Variants in FCN1 observed in about 807,000 individuals in gnomAD.
FCN1 encodes ficolin-1.
In FCN1, 42 loss-of-function variants were observed where a neutral mutation model predicts 35.6. The ratio of observed to expected loss-of-function variants is 1.18; its 90% CI spans 0.92 to 1.53. FCN1 has a LOEUF of 1.53. Ranked by LOEUF, FCN1 falls within the 40% of genes most tolerant of loss-of-function variation. FCN1 has a pLI of 0.00. For missense variants in FCN1, 439 were observed against 428.4 expected (o/e 1.02, Z -0.22); for synonymous variants, 179 against 169.8 (o/e 1.05, Z -0.42).
chr9:134,905,923 C>CTCCTTG lies in FCN1; in HGVS notation c.*3874_*3875insCAAGGA, dbSNP rs1564215645. ...TCTTCTTCTTCTTCTTCTTCTTCTT[C>CTCCTTG]TCCCTCTCCCTCTCCCTCTCCCTCT... On this transcript the variant is annotated 3_prime_UTR_variant, in exon 9 of 9. Coordinates refer to ENST00000371806, the MANE Select transcript of FCN1 (RefSeq NM_002003.5). 48 of 114,776 alleles carry CTCCTTG rather than the reference C, an allele frequency of 4.2e-4. No individual in the cohort carries two copies. The highest frequency in any genetic ancestry group is 4.2e-3 in the Middle Eastern group (1 of 240). The allele number at this position is 114,776 out of a possible 1,614,324, so 7.1% of individuals were successfully genotyped here.
In FCN1 at chr9:134,911,127, A is replaced by G; in HGVS notation, c.733+6T>C. 1 of 1,613,692 alleles carries G rather than the reference A, an allele frequency of 6.2e-7. No homozygotes were observed. The highest frequency in any genetic ancestry group is 8.5e-7 in the Non-Finnish European group (1 of 1,179,832). On this transcript the variant is annotated splice_donor_region_variant and intron_variant, in intron 8 of 8. Transcript: ENST00000371806. The stretch of plus-strand genomic sequence containing the variant: ...CTCAGGCCACCAGCCCCAAGCAGAC[A>G]CTCACCCGCACTGCCCCCGACAAAG...
rs2118933177 is a variant in FCN1, at chr9:134,909,791, G to C, written c.*7C>G. On this transcript the variant is annotated 3_prime_UTR_variant, in exon 9 of 9. Coordinates refer to ENST00000371806, the MANE Select transcript of FCN1 (RefSeq NM_002003.5). ...TAGCAGGTGCATGTGGAGGGGTCCT[G>C]GCCCGTCTAGGCGGGCCGCACCTTC... 2 of 1,612,538 alleles carry C rather than the reference G, an allele frequency of 1.2e-6. No homozygotes were observed. Among genetic ancestry groups the C allele is most frequent in the South Asian group, 1.1e-5 (1 of 91,024 alleles).
chr9:134,917,899 C>G lies in FCN1; in HGVS notation c.-28G>C. 6.6e-7 allele frequency: 1 copy of G among 1,518,552 alleles called. No individual in the cohort carries two copies. Among genetic ancestry groups the G allele is most frequent in the Non-Finnish European group, 9.1e-7 (1 of 1,093,420 alleles). The allele number at this position is 1,518,552 out of a possible 1,614,324, so 94.1% of individuals were successfully genotyped here. Reference sequence around the variant, plus strand: ...TCTCTGGCCTTTGACTCTGAAGAGTCCCCCAGCTCTAACAGGGCAGAGGAA... The same window carrying G: ...TCTCTGGCCTTTGACTCTGAAGAGTGCCCCAGCTCTAACAGGGCAGAGGAA... On this transcript the variant is annotated 5_prime_UTR_variant, in exon 1 of 9. Transcript: ENST00000371806.
Position 134,903,818 on chromosome 9 carries a change from G to A in FCN1, c.*5980C>T, listed in dbSNP as rs541762272. On this transcript the variant is annotated 3_prime_UTR_variant, in exon 9 of 9. Transcript: ENST00000371806. Reference sequence around the variant, plus strand: ...GGTGAAAAAAATAGGTGAAAAAGTGGAGAAGTGGAGCCAAGCATTGGAGTC... The same window carrying A: ...GGTGAAAAAAATAGGTGAAAAAGTGAAGAAGTGGAGCCAAGCATTGGAGTC... 1.8e-4 allele frequency among the ~76,000 whole-genome samples: 28 copies of A among 152,066 alleles called. No homozygotes were observed. Among genetic ancestry groups the A allele is most frequent in the Middle Eastern group, 3.4e-3 (1 of 294 alleles).
chr9:134,913,150 A>G lies in FCN1; in HGVS notation c.341-7T>C. On this transcript the variant is annotated splice_polypyrimidine_tract_variant and splice_region_variant and intron_variant, in intron 5 of 8. Transcript: ENST00000371806. ...TCCTTGCAGTTGCGTGGGCCTGGGA[A>G]GGGAACCCGGGGAATGGCTGCAGGA... 1 of 1,613,548 alleles carries G rather than the reference A, an allele frequency of 6.2e-7. No homozygotes were observed. The highest frequency in any genetic ancestry group is 8.5e-7 in the Non-Finnish European group (1 of 1,179,796).
At chr9:134,913,819 G>A (rs1341643117) in intron 4 of FCN1, among the ~76,000 whole-genome samples, 1 of 152,222 alleles carries the variant, frequency 6.6e-6, no homozygotes, top group Non-Finnish European at 1.5e-5. Context: ...ATAGGCCCCT[G>A]CTGTGCAGCT....
At chr9:134,914,353 G>A in intron 4 of FCN1, 32 bp downstream of exon 4, 3 of 1,608,948 alleles carry the variant, frequency 1.9e-6, no homozygotes, top group Non-Finnish European at 2.6e-6. Context: ...AAAGCCTGCA[G>A]AGACAACTGC....
rs1588652238 is a variant in FCN1, at chr9:134,904,581, G to T, written c.*5217C>A. Among the ~76,000 whole-genome samples the T allele has an allele frequency of 6.6e-6, 1 of 151,954 alleles. No homozygotes were observed. The highest frequency in any genetic ancestry group is 1.5e-5 in the Non-Finnish European group (1 of 67,994). ...ATCACTTGAGGTCAGGAGTTCAAGA[G>T]CAGCCTGGCTAACATGGCGAAACCC... On this transcript the variant is annotated 3_prime_UTR_variant, in exon 9 of 9. Coordinates refer to ENST00000371806, the MANE Select transcript of FCN1 (RefSeq NM_002003.5).
At position 134,909,289 on chromosome 9, in the gene FCN1, T is replaced by C. The variant is rs1288234904; in HGVS notation, c.*509A>G. 7.8e-7 allele frequency: 1 copy of C among 1,289,592 alleles called. No individual in the cohort carries two copies. Among genetic ancestry groups the C allele is most frequent in the Non-Finnish European group, 1.0e-6 (1 of 988,828 alleles). 79.9% of individuals were successfully genotyped at this position (1,289,592 alleles called of 1,614,324 possible). ...AAACTTTCCCCCTTTTTAGTAAGTG[T>C]TTTCTGGACCCCAAAGTGACCTTTT... On this transcript the variant is annotated 3_prime_UTR_variant, in exon 9 of 9. Transcript: ENST00000371806.
At position 134,911,134 on chromosome 9, in the gene FCN1, C is replaced by A. The variant is rs373696199; in HGVS notation, c.732G>T (p.Ala244=). The A allele has an allele frequency of 5.6e-6, 9 of 1,614,012 alleles. No individual in the cohort carries two copies. In the Admixed American group the frequency reaches 1.5e-4, roughly 27 times the overall value. The change falls in exon 8 of 9, where the codon GCG becomes GCT. Residue 244 remains alanine, a splice_region_variant and synonymous_variant. Coordinates refer to ENST00000371806, the MANE Select transcript of FCN1 (RefSeq NM_002003.5). ...LVLGAFVGGS[A]GNSLTGHNNN... is the part of the protein sequence containing the mutation. ...CACCAGCCCCAAGCAGACACTCACC[C>A]GCACTGCCCCCGACAAAGGCTCCCA... is the stretch of plus-strand genomic sequence containing the variant.
intron 2 of FCN1, among the ~76,000 whole-genome samples, chr9:134,915,385 G>A (rs893592001): frequency 3.3e-5 from 5 of 152,178 alleles, no homozygotes; most frequent in African/African-American, 9.7e-5. Context: ...CAGTGGCTGG[G>A]GAGAGTGTAT....
chr9:134,913,302 C>T (rs1831050085), intron 5 of FCN1, among the ~76,000 whole-genome samples, 159 bp from the exon 6 acceptor site: 1 of 152,210 alleles, frequency 6.6e-6, no homozygotes, highest in South Asian at 2.1e-4. Flanking sequence ...CAGGGCCACG[C>T]AGCTGTGATG....
Position 134,908,217 on chromosome 9 carries a change from C to T in FCN1, c.*1581G>A, listed in dbSNP as rs546161032. ...AGCACTTTTTGATAAATACCTTGCT[C>T]CCCTGCATGTCATCTTCTGTGAAGT... On this transcript the variant is annotated 3_prime_UTR_variant, in exon 9 of 9. Coordinates refer to ENST00000371806, the MANE Select transcript of FCN1 (RefSeq NM_002003.5). The T allele has an allele frequency of 9.2e-5, 14 of 152,314 alleles. No homozygotes were observed. Among genetic ancestry groups the T allele is most frequent in the African/African-American group, 2.9e-4 (12 of 41,532 alleles). 9.4% of individuals were successfully genotyped at this position (152,314 alleles called of 1,614,324 possible).
Position 134,913,241 on chromosome 9 carries a change from C to G in FCN1, c.341-98G>C. ...CAGGAGGGAGGAGGAGGGCCACAGG[C>G]TTCTGTGCGGACCGAGCAGGACTCC... On this transcript the variant is annotated intron_variant, in intron 5 of 8. Coordinates refer to ENST00000371806, the MANE Select transcript of FCN1 (RefSeq NM_002003.5). The G allele has an allele frequency of 1.2e-5, 18 of 1,506,236 alleles. 1 individual carries two copies. The South Asian group carries it at 2.0e-4, about 17-fold the overall frequency. The allele number at this position is 1,506,236 out of a possible 1,614,324, so 93.3% of individuals were successfully genotyped here. A position where few individuals can be genotyped will look rare whatever the true frequency, so the allele number is the denominator to read the frequency against.
rs1384496896 is a variant in FCN1, at chr9:134,911,061, AG to A, written c.733+71del. The A allele has an allele frequency of 4.6e-6, 7 of 1,512,240 alleles. No individual in the cohort carries two copies. In the East Asian group the frequency reaches 1.6e-4, roughly 34 times the overall value. The allele number at this position is 1,512,240 out of a possible 1,614,324, so 93.7% of individuals were successfully genotyped here. ...AGAGAGAGGAGGGCCCAAGGTCACC[AG>A]GGGAGACAGAGCCAGGTTCTCTCTG... On this transcript the variant is annotated intron_variant, in intron 8 of 8. Coordinates refer to ENST00000371806, the MANE Select transcript of FCN1 (RefSeq NM_002003.5).
At chr9:134,912,919 G>A in intron 6 of FCN1, 97 bp downstream of exon 6, 1 of 1,523,212 alleles carries the variant, frequency 6.6e-7, no homozygotes, top group South Asian at 1.2e-5. Context: ...TCCCCATCCA[G>A]GGGAATAGAG....
intron 2 of FCN1, 35 bp downstream of exon 2, chr9:134,916,313 G>T: frequency 6.7e-7 from 1 of 1,491,832 alleles, no homozygotes; most frequent in Non-Finnish European, 9.4e-7. Context: ...CAGTGCCCCT[G>T]CCATGCCTGG....
chr9:134,909,179 G>C lies in FCN1; in HGVS notation c.*619C>G. On this transcript the variant is annotated 3_prime_UTR_variant, in exon 9 of 9. Transcript: ENST00000371806. Reference sequence around the variant, plus strand: ...GTGGCTGACCAGGCGCTCACTTAGTGAGTGCTAAGTGTTTATCTCTTCCCA... The same window carrying C: ...GTGGCTGACCAGGCGCTCACTTAGTCAGTGCTAAGTGTTTATCTCTTCCCA... 7.8e-7 allele frequency: 1 copy of C among 1,279,194 alleles called. No individual in the cohort carries two copies. The highest frequency in any genetic ancestry group is 1.0e-6 in the Non-Finnish European group (1 of 980,160). 79.2% of individuals were successfully genotyped at this position (1,279,194 alleles called of 1,614,324 possible).
chr9:134,909,954 T>C lies in FCN1; in HGVS notation c.825A>G (p.Gln275=), dbSNP rs1071583. The change falls in exon 9 of 9, where the codon CAA becomes CAG. Residue 275 remains glutamine, a synonymous_variant. Coordinates refer to ENST00000371806, the MANE Select transcript of FCN1 (RefSeq NM_002003.5). ...GACAGTCGGCGTACCACCAGGCTCC[T>C]TGGAACTTCTCAGCACAATTCGAAG... ...VSSSNCAEKF[Q]GAWWYADCHA... is the part of the protein sequence containing the mutation. The C allele has an allele frequency of 0.64, 1,037,607 of 1,613,890 alleles. 339,132 individuals are homozygous for C. Among genetic ancestry groups the C allele is most frequent in the African/African-American group, 0.91 (67,940 of 75,004 alleles).
Sources: allele counts gnomAD v4.1 joint callset (sites outside exome capture counted in the v4.1 genomes callset), GRCh38; gene constraint gnomAD v4.1.1; transcripts MANE v1.5; gene names NCBI Gene and HGNC (gene_info 2026-07-23, HGNC 2026-07-21).